Variants in ARK2N observed in about 807,000 individuals in gnomAD.
ARK2N encodes the protein arkadia (RNF111) N-terminal like PKA signaling regulator 2N.
the ARK2N span, among the ~76,000 whole-genome samples, chr18:46,259,970 C>T: frequency 7.0e-6 from 1 of 143,842 alleles, no homozygotes; most frequent in Non-Finnish European, 1.5e-5. Flanking sequence ...ATCCTCCCGT[C>T]TCACCCTCCC....
chr18:46,230,204 C>T, the ARK2N span, among the ~76,000 whole-genome samples: 2 of 152,152 alleles, frequency 1.3e-5, no homozygotes, highest in African/African-American at 2.4e-5. Context: ...GGATTACAGG[C>T]GTGAGGCACC....
the ARK2N span, among the ~76,000 whole-genome samples, chr18:46,186,201 T>A: frequency 2.7e-5 from 2 of 75,052 alleles, no homozygotes; most frequent in Admixed American, 1.4e-4. Flanking sequence ...TTATCATGAA[T>A]TTTTTTTTTT....
the ARK2N span, among the ~76,000 whole-genome samples, chr18:46,181,669 C>T: frequency 3.3e-5 from 5 of 152,106 alleles, no homozygotes; most frequent in Non-Finnish European, 5.9e-5. Flanking sequence ...GAGCCAAGAT[C>T]GCGCCACTGC....
the ARK2N span, among the ~76,000 whole-genome samples, chr18:46,177,433 T>TA: frequency 1.0e-4 from 1 of 9,654 alleles, no homozygotes. Context: ...TTTCTTTACT[T>TA]TTTTTTTTTT....
At chr18:46,175,082 A>G in the ARK2N span, among the ~76,000 whole-genome samples, 1 of 152,064 alleles carries the variant, frequency 6.6e-6, no homozygotes, top group Non-Finnish European at 1.5e-5. Context: ...GCCTTTACGC[A>G]AGCCATTCAT....
chr18:46,253,655 A>G, the ARK2N span: 7 of 1,588,244 alleles, frequency 4.4e-6, no homozygotes, highest in East Asian at 1.6e-4. Flanking sequence ...TGTGAGGAAT[A>G]AAATTATAGT....
At chr18:46,240,957 A>T in the ARK2N span, among the ~76,000 whole-genome samples, 1 of 152,232 alleles carries the variant, frequency 6.6e-6, no homozygotes, top group African/African-American at 2.4e-5. Flanking sequence ...AAGGGGATTG[A>T]GAGACTGCTT....
At chr18:46,250,321 A>G in the ARK2N span, among the ~76,000 whole-genome samples, 2 of 152,066 alleles carry the variant, frequency 1.3e-5, no homozygotes, top group Non-Finnish European at 2.9e-5. Flanking sequence ...TATTGGACAT[A>G]TTAAAGGCAC....
the ARK2N span, among the ~76,000 whole-genome samples, chr18:46,193,588 C>A: frequency 7.6e-6 from 1 of 131,500 alleles, no homozygotes; most frequent in African/African-American, 2.8e-5. Flanking sequence ...TGCGCCCAGC[C>A]GGGTTTTTTT....
the ARK2N span, among the ~76,000 whole-genome samples, chr18:46,200,202 A>G: frequency 6.6e-6 from 1 of 152,138 alleles, no homozygotes; most frequent in African/African-American, 2.4e-5. Context: ...CTATCTATCT[A>G]ATCAATCAAT....
chr18:46,189,212 C>CAAAAAAAAAA, the ARK2N span, among the ~76,000 whole-genome samples: 2 of 86,866 alleles, frequency 2.3e-5, no homozygotes, highest in African/African-American at 9.7e-5. Flanking sequence ...GAGACTGTCT[C>CAAAAAAAAAA]AAAAAAAAAA....
At chr18:46,184,772 A>G in the ARK2N span, among the ~76,000 whole-genome samples, 1 of 152,196 alleles carries the variant, frequency 6.6e-6, no homozygotes, top group African/African-American at 2.4e-5. Context: ...AGTATTATGA[A>G]TGCAATGGAG....
At chr18:46,218,148 A>C in the ARK2N span, 2 of 152,184 alleles carry the variant, frequency 1.3e-5, no homozygotes, top group Non-Finnish European at 2.9e-5. Context: ...CCCTATTGTA[A>C]GGTGGCTTGA....
the ARK2N span, among the ~76,000 whole-genome samples, chr18:46,229,414 C>T: frequency 6.6e-6 from 1 of 152,220 alleles, no homozygotes; most frequent in Non-Finnish European, 1.5e-5. Context: ...GTGGCGCGAT[C>T]TCAGCTCACT....
chr18:46,257,526 A>G, the ARK2N span, among the ~76,000 whole-genome samples: 2 of 152,026 alleles, frequency 1.3e-5, no homozygotes, highest in Admixed American at 1.3e-4. Flanking sequence ...CCTAAATGTT[A>G]TTTCCAGATG....
the ARK2N span, among the ~76,000 whole-genome samples, chr18:46,244,745 G>C: frequency 6.6e-6 from 1 of 151,814 alleles, no homozygotes; most frequent in East Asian, 1.9e-4. Context: ...GGGATTACAG[G>C]TGTGTGCCAC....
the ARK2N span, chr18:46,217,192 A>C: frequency 6.5e-6 from 1 of 153,040 alleles, no homozygotes; most frequent in East Asian, 1.9e-4. Flanking sequence ...TAGTTCCCCA[A>C]GTTTTAAAAA....
chr18:46,231,987 C>T, the ARK2N span: 2 of 152,162 alleles, frequency 1.3e-5, no homozygotes, highest in African/African-American at 2.4e-5. Flanking sequence ...AACTCCTGAC[C>T]TCAGGTGGTC....
the ARK2N span, among the ~76,000 whole-genome samples, chr18:46,197,203 C>T: frequency 6.6e-6 from 1 of 151,832 alleles, no homozygotes; most frequent in Non-Finnish European, 1.5e-5. Flanking sequence ...CATTTTTCCA[C>T]ATGCCAGATA....
Sources: allele counts gnomAD v4.1 joint callset (sites outside exome capture counted in the v4.1 genomes callset), GRCh38; gene constraint gnomAD v4.1.1; transcripts MANE v1.5; gene names NCBI Gene and HGNC (gene_info 2026-07-23, HGNC 2026-07-21).